CD247: variants seen among roughly 807,000 people sequenced by gnomAD.
CD247 encodes the protein T-cell surface glycoprotein CD3 zeta chain.
A neutral mutation model predicts 30.0 loss-of-function variants in CD247; 13 were observed. The observed-to-expected ratio is 0.43, with a 90% CI of 0.28 to 0.69. The LOEUF (loss-of-function observed/expected upper bound fraction) is 0.69, where lower values mean the gene tolerates loss of function less well. Ranked by LOEUF, CD247 falls within the 30% of genes least tolerant of loss-of-function variation. The pLI is 0.16. For missense variants in CD247, 193 were observed against 212.6 expected (o/e 0.91, Z 0.57); for synonymous variants, 72 against 80.0 (o/e 0.90, Z 0.53).
At chr1:167,445,595 C>A (rs569455886) in intron 1 of CD247, among the ~76,000 whole-genome samples, 1 of 152,180 alleles carries the variant, frequency 6.6e-6, no homozygotes, top group Admixed American at 6.5e-5. Flanking sequence ...TGACCACTAA[C>A]AGGAAGATTC....
intron 4 of CD247, 106 bp from the exon 5 acceptor site, chr1:167,435,540 T>G: frequency 1.1e-6 from 1 of 894,574 alleles, no homozygotes; most frequent in East Asian, 2.4e-5. Flanking sequence ...CCTGGGGCTC[T>G]GCCGTCTGCC....
At chr1:167,464,763 A>G (rs1459835943) in intron 1 of CD247, among the ~76,000 whole-genome samples, 1 of 152,232 alleles carries the variant, frequency 6.6e-6, no homozygotes. Flanking sequence ...AGATGACAAC[A>G]CTAACTTGAA....
At chr1:167,439,308 T>G (rs570387892) in intron 3 of CD247, 36 bp downstream of exon 3, 1 of 1,602,642 alleles carries the variant, frequency 6.2e-7, no homozygotes, top group South Asian at 1.1e-5. Context: ...GAGGCTGCCC[T>G]TCCTTTCCGG....
chr1:167,458,229 C>G (rs1231013373), intron 1 of CD247, among the ~76,000 whole-genome samples: 1 of 152,244 alleles, frequency 6.6e-6, no homozygotes, highest in South Asian at 2.1e-4. Context: ...AACAAGCCAC[C>G]ACAGAACATC....
chr1:167,472,644 G>A (rs1391829022), intron 1 of CD247, among the ~76,000 whole-genome samples: 2 of 152,146 alleles, frequency 1.3e-5, no homozygotes, highest in Non-Finnish European at 2.9e-5. Flanking sequence ...TTTGCTGGCT[G>A]TTGAAGTCAG....
chr1:167,490,025 CT>C (rs575346743), intron 1 of CD247, among the ~76,000 whole-genome samples: 11 of 151,988 alleles, frequency 7.2e-5, no homozygotes, highest in African/African-American at 2.2e-4. Flanking sequence ...CACCCCACCC[CT>C]TTTTTTGACC....
intron 1 of CD247, among the ~76,000 whole-genome samples, chr1:167,451,186 C>T (rs1344665439): frequency 2.0e-5 from 3 of 151,948 alleles, no homozygotes; most frequent in African/African-American, 4.8e-5. Flanking sequence ...GGGCGACAAG[C>T]GTGTGGGGTT....
chr1:167,457,316 T>A (rs1652737134), intron 1 of CD247: 1 of 152,378 alleles, frequency 6.6e-6, no homozygotes, highest in East Asian at 1.9e-4. Context: ...TTAGTCCCCC[T>A]GGCAGGGTTA....
At chr1:167,456,894 G>C (rs758847488) in intron 1 of CD247, among the ~76,000 whole-genome samples, 1 of 152,212 alleles carries the variant, frequency 6.6e-6, no homozygotes, top group Non-Finnish European at 1.5e-5. Flanking sequence ...ACTTTGTCAT[G>C]TTAATGTGTA....
At position 167,438,584 on chromosome 1, in the gene CD247, T is replaced by C; in HGVS notation, c.286A>G (p.Met96Val). The change falls in exon 4 of 8, where the codon ATG becomes GTG. Residue 96 changes from methionine (M) to valine (V), a missense_variant. By Grantham distance (21) the Met-to-Val change is conservative. Coordinates refer to ENST00000362089, the MANE Select transcript of CD247 (RefSeq NM_198053.3). ...GGAACCCCTACCGGCTTTCCCCCCA[T>C]CTCAGGGTCCCGGCCACGTCTCTTG... The part of the protein sequence containing the change: ...LDKRRGRDPE[M>V]GGKPQRRKNP... 2 of 1,613,864 alleles carry C rather than the reference T, an allele frequency of 1.2e-6. No individual in the cohort carries two copies. The highest frequency in any genetic ancestry group is 2.2e-5 in the East Asian group (1 of 44,876).
chr1:167,492,211 C>T (rs1654484662), intron 1 of CD247, among the ~76,000 whole-genome samples: 6 of 152,122 alleles, frequency 3.9e-5, no homozygotes, highest in Admixed American at 3.9e-4. Context: ...ATGAAAATTG[C>T]CTCAGGTGTA....
intron 1 of CD247, among the ~76,000 whole-genome samples, chr1:167,486,171 C>A (rs1654200192): frequency 6.6e-6 from 1 of 152,214 alleles, no homozygotes; most frequent in Non-Finnish European, 1.5e-5. Context: ...GGAAAGAAAA[C>A]ATGTTTTCAT....
chr1:167,447,515 A>T (rs955753336), intron 1 of CD247, among the ~76,000 whole-genome samples: 1 of 152,028 alleles, frequency 6.6e-6, no homozygotes, highest in Non-Finnish European at 1.5e-5. Context: ...AATCACACAG[A>T]TCCTCCAATT....
At chr1:167,434,655 G>C in intron 5 of CD247, 1 of 395,804 alleles carries the variant, frequency 2.5e-6, no homozygotes, top group Non-Finnish European at 5.0e-6. Context: ...GCCCCTCGAA[G>C]GGGCCAGCCA....
At chr1:167,509,369 C>CAAAAAAAAAAAAAA (rs35004744) in intron 1 of CD247, among the ~76,000 whole-genome samples, 1 of 63,848 alleles carries the variant, frequency 1.6e-5, no homozygotes, top group Non-Finnish European at 3.3e-5. Context: ...AACTCTGTCT[C>CAAAAAAAAAAAAAA]AAAAAAAAAA....
chr1:167,502,130 C>G (rs1341696462), intron 1 of CD247, among the ~76,000 whole-genome samples: 1 of 152,218 alleles, frequency 6.6e-6, no homozygotes, highest in African/African-American at 2.4e-5. Context: ...TGACAGGCAA[C>G]CAGGCTGGAA....
At position 167,431,576 on chromosome 1, in the gene CD247, C is replaced by T. The variant is rs1230880973; in HGVS notation, c.*105G>A. 5 of 936,268 alleles carry T rather than the reference C, an allele frequency of 5.3e-6. No individual in the cohort carries two copies. Among genetic ancestry groups the T allele is most frequent in the South Asian group, 1.3e-5 (1 of 77,482 alleles). 58.0% of individuals were successfully genotyped at this position (936,268 alleles called of 1,614,324 possible). On this transcript the variant is annotated 3_prime_UTR_variant, in exon 8 of 8. Transcript: ENST00000362089. ...AGCATCCTGTACATAAAGGGGAATACTTCAGTGGCTGAGAAGAGTGAACCG... is the reference window on the plus strand; with the variant it reads ...AGCATCCTGTACATAAAGGGGAATATTTCAGTGGCTGAGAAGAGTGAACCG...
chr1:167,433,134 C>A, intron 6 of CD247, 75 bp from the exon 7 acceptor site: 1 of 1,479,978 alleles, frequency 6.8e-7, no homozygotes, highest in South Asian at 1.1e-5. Context: ...GCTCAAGGGC[C>A]CCTCCCAAGG....
intron 1 of CD247, among the ~76,000 whole-genome samples, chr1:167,443,201 C>T (rs1280197483): frequency 6.6e-6 from 1 of 152,234 alleles, no homozygotes; most frequent in Non-Finnish European, 1.5e-5. Flanking sequence ...TCCATCTAGG[C>T]TGTCAGCACC....
Sources: gnomAD v4.1 joint callset for allele counts (sites outside exome capture counted in the v4.1 genomes callset) on GRCh38, gnomAD v4.1.1 for gene constraint, MANE v1.5 for transcripts, NCBI Gene and HGNC (gene_info 2026-07-23, HGNC 2026-07-21) for gene names.